Variants in KCNA6 observed in about 807,000 individuals in gnomAD.
KCNA6 encodes potassium voltage-gated channel subfamily A member 6.
A neutral mutation model predicts 29.5 loss-of-function variants in KCNA6; 17 were observed. That is an observed-to-expected ratio of 0.58 (90% confidence interval 0.39 to 0.86). KCNA6 has a LOEUF of 0.86. Ranked by LOEUF, KCNA6 falls within the 40% of genes least tolerant of loss-of-function variation. The pLI is 0.00. For missense variants in KCNA6, 450 were observed against 703.4 expected, an observed-to-expected ratio of 0.64 and a Z score of 4.07; for synonymous variants, 296 against 304.7, an observed-to-expected ratio of 0.97 and a Z score of 0.30.
At chr12:4,828,107 ATGTC>A in the KCNA6 span, among the ~76,000 whole-genome samples, 2 of 152,128 alleles carry the variant, frequency 1.3e-5, no homozygotes, top group Non-Finnish European at 2.9e-5. Flanking sequence ...AACTTTGTCT[ATGTC>A]TGTATCTGTA....
the KCNA6 span, among the ~76,000 whole-genome samples, chr12:4,827,430 C>T: frequency 1.3e-5 from 2 of 152,122 alleles, no homozygotes; most frequent in African/African-American, 4.8e-5. Flanking sequence ...AAATGCTGGG[C>T]AAGAAAAGAC....
rs1158730131 is a variant in KCNA6, at chr12:4,810,076, C to T, written c.35C>T (p.Pro12Leu). ...GAGAAATCCCTTACGCTGGCGGCGCCGGGGGAGGTCCGTGGGCCGGAGGGA... is the reference window on the plus strand; with the variant it reads ...GAGAAATCCCTTACGCTGGCGGCGCTGGGGGAGGTCCGTGGGCCGGAGGGA... The change falls in exon 1 of 1, where the codon CCG (proline) becomes CTG (leucine). Residue 12 changes from proline to leucine, a missense_variant. By Grantham distance (98) the Pro-to-Leu change is moderately conservative. Transcript: ENST00000280684. The surrounding 1 kb of genome is among the most constrained non-coding windows in gnomAD (Gnocchi z 7.5). 1 of 1,550,078 alleles carries T rather than the reference C, an allele frequency of 6.5e-7. No individual in the cohort carries two copies. The highest frequency in any genetic ancestry group is 1.8e-5 in the Admixed American group (1 of 55,702).
downstream of KCNA6, among the ~76,000 whole-genome samples, chr12:4,818,274 C>T (rs1407635476): frequency 3.9e-5 from 6 of 152,222 alleles, no homozygotes; most frequent in African/African-American, 1.4e-4. Flanking sequence ...ATTTACAGAA[C>T]ATTGTCAAAC....
the KCNA6 span, among the ~76,000 whole-genome samples, chr12:4,843,102 A>C: frequency 6.6e-6 from 1 of 152,160 alleles, no homozygotes; most frequent in East Asian, 1.9e-4. Flanking sequence ...TAGATAATTC[A>C]ATAGTCACTT....
At chr12:4,840,882 T>C in the KCNA6 span, among the ~76,000 whole-genome samples, 83,125 of 152,100 alleles carry the variant, frequency 0.55, 23,260 homozygotes, top group Non-Finnish European at 0.58. Context: ...AATTGTATTA[T>C]ATTGTGAACA....
the KCNA6 span, among the ~76,000 whole-genome samples, chr12:4,828,598 C>T: frequency 3.3e-5 from 5 of 152,346 alleles, no homozygotes; most frequent in East Asian, 1.9e-4. Flanking sequence ...CTGATAGCAG[C>T]GGACACTCAC....
the KCNA6 span, among the ~76,000 whole-genome samples, chr12:4,820,509 A>G: frequency 4.6e-3 from 687 of 148,680 alleles, 3 homozygotes; most frequent in African/African-American, 0.016. Flanking sequence ...ACTCCAGCAT[A>G]TTTTCCCATG....
downstream of KCNA6, among the ~76,000 whole-genome samples, chr12:4,815,223 C>T (rs1366045017): frequency 1.3e-5 from 2 of 152,074 alleles, no homozygotes; most frequent in African/African-American, 2.4e-5. Flanking sequence ...GTGTTGACGT[C>T]GAGGTCGCAC....
At chr12:4,821,623 C>A in the KCNA6 span, among the ~76,000 whole-genome samples, 1 of 152,132 alleles carries the variant, frequency 6.6e-6, no homozygotes, top group Non-Finnish European at 1.5e-5. Flanking sequence ...ACATGGGACA[C>A]AACATTAAGA....
chr12:4,850,067 T>C, the KCNA6 span, among the ~76,000 whole-genome samples: 2 of 152,110 alleles, frequency 1.3e-5, no homozygotes, highest in African/African-American at 2.4e-5. This position sits in a 1 kb window ranked among gnomAD's most constrained non-coding sequence, Gnocchi z 5.4. Context: ...CAATAGAGTG[T>C]GGGCCAGATG....
chr12:4,820,586 C>CAT, the KCNA6 span, among the ~76,000 whole-genome samples: 1 of 151,690 alleles, frequency 6.6e-6, no homozygotes, highest in Admixed American at 6.6e-5. Flanking sequence ...CACACACACA[C>CAT]ACACACTCTT....
chr12:4,841,232 T>C, the KCNA6 span, among the ~76,000 whole-genome samples: 11 of 152,210 alleles, frequency 7.2e-5, no homozygotes, highest in African/African-American at 2.7e-4. Context: ...AGCATTCTCA[T>C]GGTGGCCCCA....
At chr12:4,818,356 C>T (rs1234621642), downstream of KCNA6, among the ~76,000 whole-genome samples, 1 of 152,222 alleles carries the variant, frequency 6.6e-6, no homozygotes, top group Non-Finnish European at 1.5e-5. Flanking sequence ...GCCTGATCGT[C>T]GCGGCTCAAA....
chr12:4,812,441 C>G (rs998707831), exon 1 of KCNA6: 2 of 167,118 alleles, frequency 1.2e-5, no homozygotes, highest in Non-Finnish European at 2.9e-5. Context: ...AGCAGAAGAA[C>G]TGGAGAAAGG....
At chr12:4,848,135 T>G in the KCNA6 span, among the ~76,000 whole-genome samples, 1 of 152,108 alleles carries the variant, frequency 6.6e-6, no homozygotes, top group Non-Finnish European at 1.5e-5. Flanking sequence ...TTTTACATCT[T>G]TTGACAAGGT....
At chr12:4,816,296 G>A (rs1457075639), downstream of KCNA6, among the ~76,000 whole-genome samples, 1 of 135,926 alleles carries the variant, frequency 7.4e-6, no homozygotes, top group Non-Finnish European at 1.6e-5. Flanking sequence ...GTGTGTGTGT[G>A]TCTGTGTGTG....
the KCNA6 span, among the ~76,000 whole-genome samples, chr12:4,818,701 T>C: frequency 6.6e-6 from 1 of 151,970 alleles, no homozygotes; most frequent in East Asian, 1.9e-4. Flanking sequence ...GCAGTGAGGG[T>C]CTAACTGTTA....
At chr12:4,834,837 G>A in the KCNA6 span, among the ~76,000 whole-genome samples, 1 of 152,110 alleles carries the variant, frequency 6.6e-6, no homozygotes, top group African/African-American at 2.4e-5. Context: ...GAGGGTGAGA[G>A]AACAAGACCC....
chr12:4,829,936 CTCAG>C, the KCNA6 span, among the ~76,000 whole-genome samples: 6 of 152,196 alleles, frequency 3.9e-5, no homozygotes, highest in African/African-American at 1.4e-4. Flanking sequence ...CAGCTTCTCC[CTCAG>C]TCAGCAGCAG....
Sources: allele counts gnomAD v4.1 joint callset (sites outside exome capture counted in the v4.1 genomes callset), GRCh38; gene constraint gnomAD v4.1.1; non-coding constraint Gnocchi (gnomAD v3.1); transcripts MANE v1.5; gene names NCBI Gene and HGNC (gene_info 2026-07-23, HGNC 2026-07-21).